RASGEF1C: variants seen among roughly 807,000 people sequenced by gnomAD.
RASGEF1C encodes the protein ras-GEF domain-containing family member 1C.
A neutral mutation model predicts 58.1 loss-of-function variants in RASGEF1C; 27 were observed. The ratio of observed to expected loss-of-function variants is 0.46; its 90% CI spans 0.34 to 0.64. RASGEF1C has a LOEUF of 0.64. Ranked by LOEUF, RASGEF1C falls within the 30% of genes least tolerant of loss-of-function variation. The pLI is 0.01. For missense variants in RASGEF1C, 502 were observed against 605.1 expected (o/e 0.83, Z 1.79); for synonymous variants, 243 against 246.3 (o/e 0.99, Z 0.13).
chr5:180,193,778 A>G (rs1756211092), intron 1 of RASGEF1C, among the ~76,000 whole-genome samples: 1 of 152,200 alleles, frequency 6.6e-6, no homozygotes, highest in Admixed American at 6.5e-5. Context: ...CGGCCATTAG[A>G]TGATACCAAG....
intron 1 of RASGEF1C, among the ~76,000 whole-genome samples, chr5:180,182,210 A>C (rs1767349036): frequency 7.0e-6 from 1 of 143,286 alleles, no homozygotes; most frequent in Admixed American, 6.8e-5. Context: ...GTCTCAAAAA[A>C]AAAAAAAAAA....
At chr5:180,204,566 C>T (rs1756456929) in intron 1 of RASGEF1C, among the ~76,000 whole-genome samples, 1 of 141,160 alleles carries the variant, frequency 7.1e-6, no homozygotes, top group African/African-American at 2.4e-5. Flanking sequence ...AAGGTCAACA[C>T]CAATCCTGAT....
rs544243753 is a variant in RASGEF1C, at chr5:180,163,061, A to G, written c.-6-25003T>C. ...TTCATAGCTAGCACAGAGAAATACA[A>G]TTGATTGTTGACTTTGTATCCTGGC... On this transcript the variant is annotated intron_variant, in intron 1 of 13. Transcript: ENST00000361132. 9.2e-5 allele frequency among the ~76,000 whole-genome samples: 14 copies of G among 152,218 alleles called. No homozygotes were observed. The East Asian group carries it at 2.7e-3, about 29-fold the overall frequency.
intron 4 of RASGEF1C, among the ~76,000 whole-genome samples, chr5:180,130,349 G>A (rs144971572): frequency 9.8e-5 from 15 of 152,308 alleles, no homozygotes; most frequent in African/African-American, 2.6e-4. Context: ...AACTGTGGTC[G>A]GCACACTGCC....
intron 1 of RASGEF1C, among the ~76,000 whole-genome samples, chr5:180,196,515 G>GA (rs745752933): frequency 0.01 from 1,408 of 138,398 alleles, 24 homozygotes; most frequent in Middle Eastern, 0.055. Context: ...GAAAAAAAAA[G>GA]AAAAAAAAAA....
At chr5:180,192,657 A>C (rs6880032) in intron 1 of RASGEF1C, among the ~76,000 whole-genome samples, 91,285 of 151,732 alleles carry the variant, frequency 0.6, 28,882 homozygotes, top group East Asian at 0.87. Context: ...TAAAATAAAT[A>C]ATTAGTAACT....
At chr5:180,205,061 C>T (rs9329102) in intron 1 of RASGEF1C, among the ~76,000 whole-genome samples, 42,916 of 152,008 alleles carry the variant, frequency 0.28, 6,277 homozygotes, top group African/African-American at 0.38. Flanking sequence ...TGGTGGCAGG[C>T]ACCTGTAATC....
intron 1 of RASGEF1C, among the ~76,000 whole-genome samples, chr5:180,180,599 C>T (rs1767309559): frequency 6.6e-6 from 1 of 152,266 alleles, no homozygotes; most frequent in South Asian, 2.1e-4. Context: ...CTGCCCCAGA[C>T]TGGCCATCGG....
intron 1 of RASGEF1C, among the ~76,000 whole-genome samples, chr5:180,142,837 G>A (rs1369847262): frequency 2.6e-5 from 4 of 152,120 alleles, no homozygotes; most frequent in Non-Finnish European, 4.4e-5. Flanking sequence ...CTCATCAGAG[G>A]ATGGCTCTGG....
intron 1 of RASGEF1C, among the ~76,000 whole-genome samples, chr5:180,194,737 G>T (rs973986070): frequency 1.3e-5 from 2 of 152,206 alleles, no homozygotes; most frequent in Admixed American, 6.5e-5. Flanking sequence ...CATTTTACGG[G>T]AGTACGTCAC....
chr5:180,114,343 C>T (rs1766027594), intron 11 of RASGEF1C, 103 bp downstream of exon 11: 1 of 1,127,442 alleles, frequency 8.9e-7, no homozygotes, highest in Non-Finnish European at 1.3e-6. Flanking sequence ...CTCATTCTGC[C>T]CCAGGGTCCC....
intron 4 of RASGEF1C, 112 bp from the exon 5 acceptor site, chr5:180,128,722 C>T (rs1766308905): frequency 9.0e-7 from 1 of 1,114,644 alleles, no homozygotes; most frequent in African/African-American, 1.5e-5. Context: ...CTCAGGGTCT[C>T]TGGAGAAAAG....
At chr5:180,122,600 A>C (rs1456915530) in intron 6 of RASGEF1C, among the ~76,000 whole-genome samples, 3 of 151,820 alleles carry the variant, frequency 2.0e-5, no homozygotes, top group Admixed American at 6.6e-5. Context: ...AATTAGCTGG[A>C]TGTGGTGGTG....
intron 4 of RASGEF1C, among the ~76,000 whole-genome samples, chr5:180,131,191 C>T (rs1219934392): frequency 6.6e-6 from 1 of 152,188 alleles, no homozygotes; most frequent in Non-Finnish European, 1.5e-5. Context: ...TGATCGCTGC[C>T]TCCCTGTTCC....
chr5:180,190,438 T>A lies in RASGEF1C; in HGVS notation c.-7+18590A>T, dbSNP rs373652987. Reference sequence around the variant, plus strand: ...CTGGGAGGCGGAGCTTGCAGTGAGCTGAGATCGCGCCACTGCACTCCAGAC... The same window carrying A: ...CTGGGAGGCGGAGCTTGCAGTGAGCAGAGATCGCGCCACTGCACTCCAGAC... On this transcript the variant is annotated intron_variant, in intron 1 of 13. Transcript: ENST00000361132. Among the ~76,000 whole-genome samples, 215 of 130,182 alleles carry A rather than the reference T, an allele frequency of 1.7e-3. 1 individual carries two copies. The Middle Eastern group carries it at 0.018, about 11-fold the overall frequency. The allele number at this position is 130,182 out of a possible 152,430, so 85.4% of individuals were successfully genotyped here.
Position 180,203,183 on chromosome 5 carries a change from T to C in RASGEF1C, c.-7+5845A>G, listed in dbSNP as rs548098695. The stretch of plus-strand genomic sequence containing the variant: ...TGGTGTTCATACATTTGGGACTGGG[T>C]GGGGCTTTTGACTTTCCTCTGACCA... On this transcript the variant is annotated intron_variant, in intron 1 of 13. Coordinates refer to ENST00000361132, the MANE Select transcript of RASGEF1C (RefSeq NM_175062.4). Among the ~76,000 whole-genome samples, 57 of 152,246 alleles carry C rather than the reference T, an allele frequency of 3.7e-4. 1 individual carries two copies. The South Asian group carries it at 0.012, about 32-fold the overall frequency.
intron 1 of RASGEF1C, among the ~76,000 whole-genome samples, chr5:180,153,516 A>G (rs1056773318): frequency 1.1e-4 from 16 of 152,296 alleles, no homozygotes; most frequent in African/African-American, 3.8e-4. Context: ...CTGCCAGTTC[A>G]TTTGTCATCT....
At chr5:180,104,853 C>T (rs907385449) in intron 12 of RASGEF1C, among the ~76,000 whole-genome samples, 2 of 152,040 alleles carry the variant, frequency 1.3e-5, no homozygotes, top group Non-Finnish European at 2.9e-5. Context: ...TTGTTAAATT[C>T]GTGTGTGTGG....
In RASGEF1C at chr5:180,158,435, G is replaced by A. The variant is rs532179357; in HGVS notation, c.-6-20377C>T. On this transcript the variant is annotated intron_variant, in intron 1 of 13. Coordinates refer to ENST00000361132, the MANE Select transcript of RASGEF1C (RefSeq NM_175062.4). The surrounding 1 kb of genome is among the most constrained non-coding windows in gnomAD (Gnocchi z 4.0). ...TTTAAGATCTCACATGCCTGTAAAC[G>A]TTCTCATTTTACTCACACTTGCTAG... 1.1e-4 allele frequency among the ~76,000 whole-genome samples: 17 copies of A among 152,128 alleles called. No individual in the cohort carries two copies. The highest frequency in any genetic ancestry group is 2.1e-4 in the Non-Finnish European group (14 of 68,010).
Sources: allele counts gnomAD v4.1 joint callset (sites outside exome capture counted in the v4.1 genomes callset), GRCh38; gene constraint gnomAD v4.1.1; non-coding constraint Gnocchi (gnomAD v3.1); transcripts MANE v1.5; gene names NCBI Gene and HGNC (gene_info 2026-07-23, HGNC 2026-07-21).